Variants in CIB4 observed in about 807,000 individuals in gnomAD.
CIB4 encodes calcium and integrin-binding family member 4.
A neutral mutation model predicts 25.8 loss-of-function variants in CIB4; 25 were observed. The observed-to-expected ratio is 0.97, with a 90% confidence interval of 0.71 to 1.35. The LOEUF (loss-of-function observed/expected upper bound fraction) is 1.35. Ranked by LOEUF, CIB4 falls within the 40% of genes most tolerant of loss-of-function variation. The pLI, the probability that CIB4 is intolerant of heterozygous loss-of-function variation, is 0.00. For synonymous variants in CIB4, 75 were observed against 81.4 expected, an observed-to-expected ratio of 0.92 and a Z score of 0.42; for missense variants, 235 against 228.2, an observed-to-expected ratio of 1.03 and a Z score of -0.19.
At chr2:26,622,624 G>A (rs1235913388) in intron 3 of CIB4, among the ~76,000 whole-genome samples, 2 of 152,036 alleles carry the variant, frequency 1.3e-5, no homozygotes, top group Non-Finnish European at 1.5e-5. Flanking sequence ...TTTGAGAAGA[G>A]GAAATGTGGC....
At chr2:26,581,903 G>A (rs1162510035) in intron 6 of CIB4, among the ~76,000 whole-genome samples, 3 of 152,346 alleles carry the variant, frequency 2.0e-5, no homozygotes, top group East Asian at 3.9e-4. Context: ...AGAGCTGAGA[G>A]GTGTTACTCA....
chr2:26,641,157 A>T (rs1313465102), intron 1 of CIB4, 104 bp downstream of exon 1: 1 of 966,312 alleles, frequency 1.0e-6, no homozygotes, highest in Non-Finnish European at 1.7e-6. Flanking sequence ...GAAGCCAAAA[A>T]TTGGACACCC....
chr2:26,582,416 T>C (rs1668364581), intron 6 of CIB4, among the ~76,000 whole-genome samples: 1 of 152,144 alleles, frequency 6.6e-6, no homozygotes, highest in South Asian at 2.1e-4. Context: ...TGGGTGCTTC[T>C]CTCATTGTTT....
At chr2:26,604,480 G>C (rs1668852495) in intron 3 of CIB4, among the ~76,000 whole-genome samples, 1 of 152,160 alleles carries the variant, frequency 6.6e-6, no homozygotes, top group African/African-American at 2.4e-5. Flanking sequence ...TCTCTTATCA[G>C]AAACTAAGCA....
At chr2:26,639,696 C>T (rs1170109930) in intron 2 of CIB4, among the ~76,000 whole-genome samples, 1 of 152,090 alleles carries the variant, frequency 6.6e-6, no homozygotes, top group African/African-American at 2.4e-5. Flanking sequence ...CTCATTTGTG[C>T]CTGGAGAGTC....
At chr2:26,603,762 C>G (rs1266842936) in intron 3 of CIB4, among the ~76,000 whole-genome samples, 3 of 152,110 alleles carry the variant, frequency 2.0e-5, no homozygotes, top group Non-Finnish European at 4.4e-5. Context: ...CTTTCGGAGG[C>G]TGAGGCAGGC....
In CIB4 at chr2:26,619,402, G is replaced by A. The variant is rs1669158690; in HGVS notation, c.186+10008C>T. ...TGGAGAATGGAAAAGGAAAGTTGTG[G>A]GGGCAGCTGCTATATGTGCGGAAGA... On this transcript the variant is annotated intron_variant, in intron 3 of 6. Transcript: ENST00000288861. Among the ~76,000 whole-genome samples the A allele has an allele frequency of 2.6e-5, 4 of 152,118 alleles. No homozygotes were observed. The South Asian group carries it at 8.3e-4, about 32-fold the overall frequency.
At position 26,627,132 on chromosome 2, in the gene CIB4, C is replaced by T. The variant is rs1669325786; in HGVS notation, c.186+2278G>A. 6.6e-6 allele frequency among the ~76,000 whole-genome samples: 1 copy of T among 152,180 alleles called. No homozygotes were observed. Among genetic ancestry groups the T allele is most frequent in the Non-Finnish European group, 1.5e-5 (1 of 68,042 alleles). ...ATGTGTTGAGGCCATGGGTCACCAA[C>T]ACCCTCTATGCCACCCCTCCAGTTC... On this transcript the variant is annotated intron_variant, in intron 3 of 6. Transcript: ENST00000288861. The surrounding 1 kb of genome is among the most constrained non-coding windows in gnomAD (Gnocchi z 4.0).
intron 3 of CIB4, 141 bp downstream of exon 3, chr2:26,629,269 G>A (rs568193301): frequency 1.3e-5 from 8 of 637,702 alleles, no homozygotes; most frequent in African/African-American, 1.1e-4. Flanking sequence ...TCCTCTGCCT[G>A]GAGGATCAGG....
chr2:26,581,519 C>G, intron 6 of CIB4, 126 bp from the exon 7 acceptor site: 1 of 922,952 alleles, frequency 1.1e-6, no homozygotes, highest in Admixed American at 2.1e-5. Context: ...CTCTGGGTGA[C>G]GGCCACTTTG....
intron 3 of CIB4, among the ~76,000 whole-genome samples, chr2:26,619,749 A>G (rs1451786318): frequency 6.6e-6 from 1 of 151,858 alleles, no homozygotes; most frequent in Admixed American, 6.6e-5. Flanking sequence ...CCCGATCTCC[A>G]TCCCGGAATC....
intron 3 of CIB4, among the ~76,000 whole-genome samples, chr2:26,624,854 A>AT (rs879498968): frequency 4.6e-5 from 7 of 150,556 alleles, no homozygotes; most frequent in East Asian, 3.9e-4. Flanking sequence ...ATATATATAT[A>AT]TTTTTTTTAT....
intron 3 of CIB4, among the ~76,000 whole-genome samples, chr2:26,598,853 C>G (rs930731723): frequency 3.9e-5 from 6 of 152,246 alleles, no homozygotes; most frequent in African/African-American, 1.4e-4. Context: ...CAGCCTCATG[C>G]CCCTCCCTGC....
At chr2:26,630,751 G>A (rs941215387) in intron 2 of CIB4, among the ~76,000 whole-genome samples, 5 of 152,154 alleles carry the variant, frequency 3.3e-5, no homozygotes, top group African/African-American at 1.2e-4. Context: ...AGGATTAAAT[G>A]AGGGGAGGTG....
Position 26,583,842 on chromosome 2 carries a change from G to C in CIB4, c.385C>G (p.Leu129Val). 6.2e-7 allele frequency: 1 copy of C among 1,613,558 alleles called. No individual in the cohort carries two copies. Among genetic ancestry groups the C allele is most frequent in the Non-Finnish European group, 8.5e-7 (1 of 1,179,778 alleles). ...EEDLQRIILRLLNSDDMSEDL... is the reference protein window; with the variant it reads ...EEDLQRIILRVLNSDDMSEDL... ...TCAGACATGTCATCACTGTTCAGCA[G>C]TCGCAGGATGATCCTCTGCAGATCC... is the stretch of plus-strand genomic sequence containing the variant. Residue 129 changes from leucine to valine, a missense_variant, in exon 5 of 7, where the codon CTG becomes GTG. Physicochemically the swap from Leu to Val is conservative, Grantham distance 32 (BLOSUM62 1). Coordinates refer to ENST00000288861, the MANE Select transcript of CIB4 (RefSeq NM_001029881.3).
rs896604469 is a variant in CIB4, at chr2:26,627,323, G to A, written c.186+2087C>T. 2.0e-5 allele frequency among the ~76,000 whole-genome samples: 3 copies of A among 152,208 alleles called. No individual in the cohort carries two copies. Among genetic ancestry groups the A allele is most frequent in the Non-Finnish European group, 4.4e-5 (3 of 68,026 alleles). ...TCCATCATGTGGCCCCTTGGAAGTTGTTTCCCTCTTGGGACCTCAGTTTCC... is the reference window on the plus strand; with the variant it reads ...TCCATCATGTGGCCCCTTGGAAGTTATTTCCCTCTTGGGACCTCAGTTTCC... On this transcript the variant is annotated intron_variant, in intron 3 of 6. Transcript: ENST00000288861. The surrounding 1 kb of genome is among the most constrained non-coding windows in gnomAD (Gnocchi z 4.0).
chr2:26,639,979 C>T (rs1352093101), intron 2 of CIB4, among the ~76,000 whole-genome samples: 1 of 152,268 alleles, frequency 6.6e-6, no homozygotes, highest in South Asian at 2.1e-4. Context: ...GCCACCTCCA[C>T]GTTGAATGAA....
intron 3 of CIB4, among the ~76,000 whole-genome samples, chr2:26,621,220 A>G (rs1465657161): frequency 6.6e-6 from 1 of 151,126 alleles, no homozygotes; most frequent in Non-Finnish European, 1.5e-5. Flanking sequence ...TCAGAGTAGT[A>G]AAATAAAAGA....
intron 4 of CIB4, among the ~76,000 whole-genome samples, chr2:26,593,495 G>A (rs1050031812): frequency 6.7e-6 from 1 of 149,234 alleles, no homozygotes; most frequent in African/African-American, 2.6e-5. Context: ...TATTGGTTCT[G>A]TTTCTCTGCA....
Sources: allele counts gnomAD v4.1 joint callset (sites outside exome capture counted in the v4.1 genomes callset), GRCh38; gene constraint gnomAD v4.1.1; non-coding constraint Gnocchi (gnomAD v3.1); transcripts MANE v1.5; gene names NCBI Gene and HGNC (gene_info 2026-07-23, HGNC 2026-07-21).